Variants in CCAR1 observed in about 807,000 individuals in gnomAD.
The protein encoded by CCAR1 is cell division cycle and apoptosis regulator 1, also known as cell division cycle and apoptosis regulator protein 1.
Under a neutral mutation model 163.8 loss-of-function variants are expected in CCAR1, and 78 were observed. The ratio of observed to expected loss-of-function variants is 0.48; its 90% CI spans 0.40 to 0.57. The LOEUF (loss-of-function observed/expected upper bound fraction) is 0.57, where lower values mean the gene tolerates loss of function less well. Among genes scored for constraint, CCAR1 ranks in the 20% least tolerant of loss-of-function variants. CCAR1 has a pLI of 0.00. For synonymous variants in CCAR1, 443 were observed against 460.7 expected (o/e 0.96, Z 0.49); for missense variants, 1,019 against 1,365.2 (o/e 0.75, Z 4.00).
At chr10:68,726,901 C>A (rs2055956327) in intron 2 of CCAR1, among the ~76,000 whole-genome samples, 1 of 151,472 alleles carries the variant, frequency 6.6e-6, no homozygotes, top group Admixed American at 6.6e-5. Flanking sequence ...GAGGCTGAGG[C>A]AGGAGAATCA....
At chr10:68,751,450 A>C (rs2056329472) in intron 10 of CCAR1, among the ~76,000 whole-genome samples, 1 of 152,204 alleles carries the variant, frequency 6.6e-6, no homozygotes, top group Non-Finnish European at 1.5e-5. Context: ...TCCCAGCCTC[A>C]AAGATATTAA....
At position 68,733,756 on chromosome 10, in the gene CCAR1, C is replaced by T. The variant is rs377350579; in HGVS notation, c.74-3120C>T. On this transcript the variant is annotated intron_variant, in intron 2 of 24. Transcript: ENST00000265872. Reference sequence around the variant, plus strand: ...CGCGACCTTGGCTTACTATACCTCCCGGGTTCAAGTGATTCTCCTGCCTCA... The same window carrying T: ...CGCGACCTTGGCTTACTATACCTCCTGGGTTCAAGTGATTCTCCTGCCTCA... 1.1e-4 allele frequency among the ~76,000 whole-genome samples: 17 copies of T among 152,182 alleles called. No homozygotes were observed. The South Asian group carries it at 2.5e-3, about 22-fold the overall frequency.
intron 17 of CCAR1, among the ~76,000 whole-genome samples, chr10:68,767,661 C>T (rs1331538161): frequency 1.3e-5 from 2 of 152,200 alleles, no homozygotes; most frequent in Non-Finnish European, 2.9e-5. Flanking sequence ...TCCCCTCCCT[C>T]AGCCTCCCAA....
intron 19 of CCAR1, among the ~76,000 whole-genome samples, chr10:68,780,293 CAT>C (rs1166897853): frequency 6.6e-6 from 1 of 152,136 alleles, no homozygotes; most frequent in African/African-American, 2.4e-5. Context: ...ACTCCTGGCT[CAT>C]GTGATTCTCT....
intron 2 of CCAR1, among the ~76,000 whole-genome samples, chr10:68,732,511 A>G (rs1172697301): frequency 1.3e-5 from 2 of 151,936 alleles, no homozygotes; most frequent in Non-Finnish European, 1.5e-5. Flanking sequence ...CACCATGCCC[A>G]GCTAACTTTT....
intron 6 of CCAR1, among the ~76,000 whole-genome samples, chr10:68,746,673 G>T (rs996621408): frequency 1.3e-5 from 2 of 152,042 alleles, no homozygotes; most frequent in Non-Finnish European, 2.9e-5. Context: ...CACCACCTGG[G>T]TTCAAGCAAT....
In CCAR1 at chr10:68,771,301, CA is replaced by C; in HGVS notation, c.2400del (p.Glu801LysfsTer90). 6.3e-7 allele frequency: 1 copy of C among 1,594,526 alleles called. No individual in the cohort carries two copies. The highest frequency in any genetic ancestry group is 1.1e-5 in the South Asian group (1 of 88,756). ...SLLSLPEKEDKKEKDKKSKKD... is the reference protein window; with the variant it reads ...SLLSLPEKEDXKEKDKKSKKD... ...TACTGTCTCTTCCTGAGAAAGAGGACAAAAAAGAAAAGGATAAAAAAAGCAA... is the reference window on the plus strand; with the variant it reads ...TACTGTCTCTTCCTGAGAAAGAGGACAAAAAGAAAAGGATAAAAAAAGCAA... On this transcript the variant is annotated frameshift_variant, in exon 18 of 25. Transcript: ENST00000265872. LOFTEE classifies it high-confidence loss of function.
chr10:68,763,079 C>G (rs747599413), intron 16 of CCAR1, among the ~76,000 whole-genome samples: 1 of 151,658 alleles, frequency 6.6e-6, no homozygotes, highest in African/African-American at 2.4e-5. Context: ...AGATAATTAC[C>G]TTGTTCTTAG....
chr10:68,754,440 A>G (rs955284812), intron 11 of CCAR1, among the ~76,000 whole-genome samples: 7 of 152,218 alleles, frequency 4.6e-5, no homozygotes, highest in East Asian at 1.9e-4. Context: ...TGTATAGTCT[A>G]TAGTTTTGTT....
chr10:68,727,019 A>T, intron 2 of CCAR1, among the ~76,000 whole-genome samples: 1 of 150,592 alleles, frequency 6.6e-6, no homozygotes. Context: ...TAAAAAAATA[A>T]ATTCACAGAA....
At chr10:68,771,152 G>T in intron 17 of CCAR1, 54 bp from the exon 18 acceptor site, 3 of 1,466,984 alleles carry the variant, frequency 2.0e-6, no homozygotes, top group Non-Finnish European at 2.8e-6. Context: ...TACTCTGCTA[G>T]CTTTATTATT....
intron 18 of CCAR1, among the ~76,000 whole-genome samples, chr10:68,771,866 A>T (rs528844764): frequency 7.0e-4 from 105 of 150,056 alleles, no homozygotes; most frequent in African/African-American, 2.2e-3. Flanking sequence ...TATTCTTAAA[A>T]TTTTTTTTTC....
intron 24 of CCAR1, among the ~76,000 whole-genome samples, chr10:68,790,308 T>C (rs890191479): frequency 1.1e-4 from 16 of 151,108 alleles, no homozygotes; most frequent in Non-Finnish European, 1.6e-4. Flanking sequence ...TGAGTCTAGA[T>C]TGCACCATTG....
intron 2 of CCAR1, among the ~76,000 whole-genome samples, chr10:68,724,999 G>A (rs550837242): frequency 1.2e-4 from 18 of 152,084 alleles, no homozygotes; most frequent in Non-Finnish European, 2.4e-4. Flanking sequence ...GTAGCCTGGC[G>A]TGGTGGCACG....
chr10:68,742,271 A>G, intron 5 of CCAR1, 105 bp from the exon 6 acceptor site: 2 of 796,852 alleles, frequency 2.5e-6, no homozygotes, highest in Non-Finnish European at 3.9e-6. Flanking sequence ...ATCTTCTAAC[A>G]TAATATGAAA....
rs770876559 is a variant in CCAR1, at chr10:68,749,264, A to C, written c.955A>C (p.Ser319Arg). ...AGTGCCTAACAGAAAAGATGATCGA[A>C]GGTATATTTTCTAAAGTGTACTGTG... ...DQVPNRKDDR[S>R]RERERERRRS... The change falls in exon 9 of 25, where the codon AGT (serine) becomes CGT (arginine). Residue 319 changes from serine (S) to arginine (R), a missense_variant and splice_region_variant. By Grantham distance (110) the Ser-to-Arg change is moderately radical. Coordinates refer to ENST00000265872, the MANE Select transcript of CCAR1 (RefSeq NM_018237.4). 6.2e-7 allele frequency: 1 copy of C among 1,606,480 alleles called. No individual in the cohort carries two copies. Among genetic ancestry groups the C allele is most frequent in the Non-Finnish European group, 8.5e-7 (1 of 1,177,840 alleles).
chr10:68,722,372 T>G (rs2055871458), intron 1 of CCAR1, 83 bp from the exon 2 acceptor site: 2 of 781,080 alleles, frequency 2.6e-6, no homozygotes, highest in South Asian at 2.8e-5. Context: ...CTCGACACAT[T>G]AAACATTTCT....
At chr10:68,757,173 T>A in intron 14 of CCAR1, 121 bp from the exon 15 acceptor site, 1 of 600,834 alleles carries the variant, frequency 1.7e-6, no homozygotes, top group Non-Finnish European at 2.9e-6. Flanking sequence ...ATAATAACTT[T>A]AGGAGAAGAC....
At position 68,747,284 on chromosome 10, in the gene CCAR1, A is replaced by G; in HGVS notation, c.633+9A>G. The G allele has an allele frequency of 6.3e-7, 1 of 1,587,428 alleles. No homozygotes were observed. Among genetic ancestry groups the G allele is most frequent in the Non-Finnish European group, 8.6e-7 (1 of 1,160,530 alleles). On this transcript the variant is annotated intron_variant, in intron 7 of 24. Coordinates refer to ENST00000265872, the MANE Select transcript of CCAR1 (RefSeq NM_018237.4). ...AAACACTACCAAATCAGGTACAGAA[A>G]GTATTGAGTTAGGTATTATAGAAGC...
Sources: allele counts gnomAD v4.1 joint callset (sites outside exome capture counted in the v4.1 genomes callset), GRCh38; gene constraint gnomAD v4.1.1; transcripts MANE v1.5; gene names NCBI Gene and HGNC (gene_info 2026-07-23, HGNC 2026-07-21).